The following PARD3B variants were observed in gnomAD, a reference collection of about 807,000 sequenced individuals.
PARD3B encodes partitioning defective 3 homolog B.
In PARD3B, 103 loss-of-function variants were observed where a neutral mutation model predicts 130.2. That is an observed-to-expected ratio of 0.79 (90% confidence interval 0.67 to 0.93). PARD3B has a LOEUF of 0.93. Ranked by LOEUF, PARD3B falls within the 40% of genes least tolerant of loss-of-function variation. PARD3B has a pLI of 0.00. For missense variants in PARD3B, 1,609 were observed against 1,499.2 expected (o/e 1.07, Z -1.21); for synonymous variants, 583 against 553.2 (o/e 1.05, Z -0.76).
chr2:204,553,321 CACTATGAAA>C (rs1289820092), intron 1 of PARD3B, among the ~76,000 whole-genome samples: 1 of 152,050 alleles, frequency 6.6e-6, no homozygotes, highest in East Asian at 1.9e-4. Context: ...CTAGTACAAC[CACTATGAAA>C]AATAGTGTGG....
At chr2:205,610,404 A>G (rs754531618) in intron 22 of PARD3B, among the ~76,000 whole-genome samples, 3 of 152,230 alleles carry the variant, frequency 2.0e-5, no homozygotes, top group Non-Finnish European at 4.4e-5. Context: ...TATTGCATTT[A>G]TGACAGAGAC....
rs1696035337 is a variant in PARD3B at position 205,015,151 on chromosome 2, T to C, written c.395-32430T>C. ...ATTAACACCTATTTTGTATGTTATATGTATTATGTATACAATATGTATTTT... is the reference window on the plus strand; with the variant it reads ...ATTAACACCTATTTTGTATGTTATACGTATTATGTATACAATATGTATTTT... On this transcript the variant is annotated intron_variant, in intron 3 of 22. Coordinates refer to ENST00000406610, the MANE Select transcript of PARD3B (RefSeq NM_001302769.2). The surrounding 1 kb of genome is among the most constrained non-coding windows in gnomAD (Gnocchi z 4.5). 6.6e-6 allele frequency among the ~76,000 whole-genome samples: 1 copy of C among 152,230 alleles called. No individual in the cohort carries two copies. Among genetic ancestry groups the C allele is most frequent in the African/African-American group, 2.4e-5 (1 of 41,454 alleles).
chr2:205,414,046 A>C (rs919703853), intron 19 of PARD3B, among the ~76,000 whole-genome samples: 1 of 152,176 alleles, frequency 6.6e-6, no homozygotes, highest in Non-Finnish European at 1.5e-5. Flanking sequence ...ATTCAGTCAG[A>C]ATTCATGGTG....
At chr2:205,026,072 C>T (rs1169626248) in intron 3 of PARD3B, among the ~76,000 whole-genome samples, 1 of 152,174 alleles carries the variant, frequency 6.6e-6, no homozygotes, top group Non-Finnish European at 1.5e-5. Context: ...TCCCTTCTGG[C>T]TCTTAGAAGT....
intron 1 of PARD3B, among the ~76,000 whole-genome samples, chr2:204,550,544 T>C (rs1011761794): frequency 1.3e-5 from 2 of 151,986 alleles, no homozygotes; most frequent in African/African-American, 4.8e-5. Flanking sequence ...AATAAGAGCA[T>C]TGAATTCGTG....
At chr2:205,045,115 T>G (rs1028084660) in intron 3 of PARD3B, among the ~76,000 whole-genome samples, 2 of 150,674 alleles carry the variant, frequency 1.3e-5, no homozygotes, top group African/African-American at 2.4e-5. Flanking sequence ...TCTTAAAGTT[T>G]TTTTTTTTTT....
chr2:205,310,211 A>G (rs1273391379), intron 18 of PARD3B, among the ~76,000 whole-genome samples: 2 of 151,396 alleles, frequency 1.3e-5, no homozygotes, highest in East Asian at 2.0e-4. Flanking sequence ...CAGCCTCCCA[A>G]GTAGCTGGGA....
Position 205,125,883 on chromosome 2 carries a change from T to G in PARD3B, c.1434+146T>G. On this transcript the variant is annotated intron_variant, in intron 10 of 22. Transcript: ENST00000406610. This position sits in a 1 kb window ranked among gnomAD's most constrained non-coding sequence, Gnocchi z 4.0. ...CACACTCAGGGTATTTTACCCCATT[T>G]GGGGTATCGCATTTTTAAAACATTG... is the stretch of plus-strand genomic sequence containing the variant. The G allele has an allele frequency of 8.9e-6, 10 of 1,123,276 alleles. No individual in the cohort carries two copies. Among genetic ancestry groups the G allele is most frequent in the African/African-American group, 1.6e-5 (1 of 64,106 alleles). 69.6% of individuals were successfully genotyped at this position (1,123,276 alleles called of 1,614,324 possible).
chr2:204,808,530 G>T lies in PARD3B; in HGVS notation c.222+122248G>T, dbSNP rs140519673. 7.6e-4 allele frequency among the ~76,000 whole-genome samples: 116 copies of T among 152,018 alleles called. 2 individuals are homozygous for T. The East Asian group carries it at 0.015, about 20-fold the overall frequency. On this transcript the variant is annotated intron_variant, in intron 2 of 22. Coordinates refer to ENST00000406610, the MANE Select transcript of PARD3B (RefSeq NM_001302769.2). ...AAGTAGGCCCTAGTGTCTCCTCTTTGTGTCCATGTGAGCTCATCATTTAGC... is the reference window on the plus strand; with the variant it reads ...AAGTAGGCCCTAGTGTCTCCTCTTTTTGTCCATGTGAGCTCATCATTTAGC...
rs1283725506 is a variant in PARD3B at position 205,183,806 on chromosome 2, G to A, written c.1925-1958G>A. ...TTTATGATAAGGAATTGGCTCACAT[G>A]GCCATGGAGACAGGCACATCCCAGG... On this transcript the variant is annotated intron_variant, in intron 13 of 22. Coordinates refer to ENST00000406610, the MANE Select transcript of PARD3B (RefSeq NM_001302769.2). This position sits in a 1 kb window ranked among gnomAD's most constrained non-coding sequence, Gnocchi z 5.2. Among the ~76,000 whole-genome samples the A allele has an allele frequency of 6.7e-6, 1 of 150,194 alleles. No homozygotes were observed. Among genetic ancestry groups the A allele is most frequent in the East Asian group, 2.0e-4 (1 of 5,068 alleles).
intron 2 of PARD3B, among the ~76,000 whole-genome samples, chr2:204,782,477 A>G (rs2041871688): frequency 6.6e-6 from 1 of 150,682 alleles, no homozygotes; most frequent in African/African-American, 2.4e-5. Flanking sequence ...CACATTACAT[A>G]TATTATGTAA....
chr2:205,202,217 C>T (rs377218730), intron 15 of PARD3B, among the ~76,000 whole-genome samples: 6 of 152,230 alleles, frequency 3.9e-5, no homozygotes, highest in African/African-American at 1.4e-4. Context: ...AAATATAGAT[C>T]ACTATAATAT....
chr2:204,603,074 G>T lies in PARD3B; in HGVS notation c.120+56955G>T, dbSNP rs565995946. The stretch of plus-strand genomic sequence containing the variant: ...ATAATATCCTATGAAACTCTAAAGA[G>T]GGTCCATAAAAGAGCCTTCCTGCTC... On this transcript the variant is annotated intron_variant, in intron 1 of 22. Transcript: ENST00000406610. 6.6e-5 allele frequency among the ~76,000 whole-genome samples: 10 copies of T among 152,192 alleles called. No individual in the cohort carries two copies. In the East Asian group the frequency reaches 1.7e-3, roughly 26 times the overall value.
chr2:204,804,271 A>G (rs2042683902), intron 2 of PARD3B, among the ~76,000 whole-genome samples: 1 of 152,152 alleles, frequency 6.6e-6, no homozygotes, highest in Admixed American at 6.6e-5. Flanking sequence ...TTTACCTATA[A>G]AGATACACAT....
chr2:205,066,330 G>C (rs1015000246), intron 4 of PARD3B, among the ~76,000 whole-genome samples: 23 of 152,146 alleles, frequency 1.5e-4, no homozygotes, highest in African/African-American at 5.3e-4. Flanking sequence ...TGGTAATACA[G>C]TTAAGATAGG....
chr2:204,686,606 C>A (rs2125244434), intron 2 of PARD3B, among the ~76,000 whole-genome samples: 1 of 152,244 alleles, frequency 6.6e-6, no homozygotes, highest in Non-Finnish European at 1.5e-5. Context: ...ATTCCTGGCC[C>A]TTGCTAACTA....
Position 205,525,768 on chromosome 2 carries a change from A to C in PARD3B, c.3180+25737A>C, listed in dbSNP as rs542479569. Among the ~76,000 whole-genome samples, 1 of 152,302 alleles carries C rather than the reference A, an allele frequency of 6.6e-6. No homozygotes were observed. Among genetic ancestry groups the C allele is most frequent in the Admixed American group, 6.5e-5 (1 of 15,300 alleles). On this transcript the variant is annotated intron_variant, in intron 21 of 22. Coordinates refer to ENST00000406610, the MANE Select transcript of PARD3B (RefSeq NM_001302769.2). The surrounding 1 kb of genome is among the most constrained non-coding windows in gnomAD (Gnocchi z 4.2). ...TTTTGGTGACAAGTCCAGCTCAATG[A>C]GAATCTCGACAAAGGGCCTGACTCT...
chr2:204,605,788 T>C (rs2125110254), intron 1 of PARD3B, among the ~76,000 whole-genome samples: 1 of 152,300 alleles, frequency 6.6e-6, no homozygotes, highest in South Asian at 2.1e-4. Flanking sequence ...ACAATGTCAT[T>C]AGAATGTGCT....
At chr2:205,071,921 A>C (rs1700761012) in intron 4 of PARD3B, among the ~76,000 whole-genome samples, 1 of 152,198 alleles carries the variant, frequency 6.6e-6, no homozygotes, top group Non-Finnish European at 1.5e-5. Flanking sequence ...TTACATTTTA[A>C]GCAGATTTAG....
Sources: allele counts gnomAD v4.1 joint callset (sites outside exome capture counted in the v4.1 genomes callset), GRCh38; gene constraint gnomAD v4.1.1; non-coding constraint Gnocchi (gnomAD v3.1); transcripts MANE v1.5; gene names NCBI Gene and HGNC (gene_info 2026-07-23, HGNC 2026-07-21).